Variants in SV2C observed in about 807,000 individuals in gnomAD.
SV2C encodes synaptic vesicle glycoprotein 2C.
SV2C carries 49 observed loss-of-function variants against 79.7 expected under a neutral mutation model. The observed-to-expected ratio is 0.61, with a 90% confidence interval of 0.49 to 0.78. The LOEUF is 0.78. SV2C is among the 30% of genes least tolerant of loss of function. The probability of loss-of-function intolerance (pLI) is 0.00; values close to 1 mark genes in which losing one functional copy is unlikely to be tolerated. For synonymous variants in SV2C, 334 were observed against 333.2 expected, an observed-to-expected ratio of 1.00 and a Z score of -0.03; for missense variants, 833 against 912.9, an observed-to-expected ratio of 0.91 and a Z score of 1.13.
chr5:76,192,909 A>G (rs1228508326), intron 2 of SV2C, among the ~76,000 whole-genome samples: 1 of 152,218 alleles, frequency 6.6e-6, no homozygotes, highest in Non-Finnish European at 1.5e-5. Context: ...GAGGAATTTA[A>G]TACCATTTTG....
rs148131881 is a variant in SV2C, at chr5:76,112,738, C to T, written c.-101-18912C>T. Among the ~76,000 whole-genome samples, 360 of 152,302 alleles carry T rather than the reference C, an allele frequency of 2.4e-3. 4 individuals carry two copies. Among genetic ancestry groups the T allele is most frequent in the East Asian group, 0.015 (76 of 5,186 alleles). ...TTTCCTCAACATATTTGGCCATAAACCTTCTTTTTTAGGAACACTTTAAAA... is the reference window on the plus strand; with the variant it reads ...TTTCCTCAACATATTTGGCCATAAATCTTCTTTTTTAGGAACACTTTAAAA... On this transcript the variant is annotated intron_variant, in intron 1 of 12. Transcript: ENST00000502798.
At chr5:75,899,376 G>C in the SV2C span, among the ~76,000 whole-genome samples, 2 of 152,302 alleles carry the variant, frequency 1.3e-5, no homozygotes, top group African/African-American at 2.4e-5. Context: ...TAGTTGAGTG[G>C]TTTTGAGTGA....
At chr5:75,894,443 A>G in the SV2C span, among the ~76,000 whole-genome samples, 1 of 152,058 alleles carries the variant, frequency 6.6e-6, no homozygotes, top group Admixed American at 6.6e-5. Context: ...GTATTGAAAA[A>G]TAACAGCTCA....
At chr5:75,916,535 C>T in the SV2C span, among the ~76,000 whole-genome samples, 6 of 152,122 alleles carry the variant, frequency 3.9e-5, no homozygotes, top group African/African-American at 1.4e-4. Flanking sequence ...AGTACAGTGG[C>T]ACAATCTTGG....
At chr5:76,231,049 C>G (rs1157767424) in intron 4 of SV2C, among the ~76,000 whole-genome samples, 2 of 152,096 alleles carry the variant, frequency 1.3e-5, no homozygotes, top group Non-Finnish European at 2.9e-5. Flanking sequence ...ATTTCTCTGC[C>G]CAGTGCAGGA....
chr5:76,300,703 A>T, intron 10 of SV2C, 26 bp from the exon 11 acceptor site: 1 of 1,607,892 alleles, frequency 6.2e-7, no homozygotes, highest in South Asian at 1.1e-5. Context: ...GAGCTTGATG[A>T]ATTGTCTTTG....
intron 4 of SV2C, among the ~76,000 whole-genome samples, chr5:76,212,724 C>T (rs556041654): frequency 1.2e-4 from 18 of 152,240 alleles, no homozygotes; most frequent in East Asian, 7.7e-4. Flanking sequence ...CCACCAAGCC[C>T]GGGCATGACT....
At chr5:76,033,287 A>G in the SV2C span, among the ~76,000 whole-genome samples, 1 of 151,858 alleles carries the variant, frequency 6.6e-6, no homozygotes, top group Non-Finnish European at 1.5e-5. Context: ...TTTTGTTGCC[A>G]TTGCTTTTGG....
upstream of SV2C, chr5:76,078,861 C>T: frequency 8.7e-6 from 5 of 576,830 alleles, no homozygotes; most frequent in South Asian, 6.9e-5. Context: ...TGAGAATTTA[C>T]CTACATGGAT....
intron 2 of SV2C, among the ~76,000 whole-genome samples, chr5:76,147,456 A>G (rs1429875388): frequency 6.7e-6 from 1 of 150,240 alleles, no homozygotes; most frequent in Non-Finnish European, 1.5e-5. Context: ...TGTGGTCCCA[A>G]TTCTGTGTCT....
the SV2C span, among the ~76,000 whole-genome samples, chr5:75,858,957 TTTTA>T: frequency 6.6e-6 from 1 of 152,216 alleles, no homozygotes; most frequent in East Asian, 1.9e-4. Flanking sequence ...TCATCCCTGA[TTTTA>T]TTTATTTGGG....
the SV2C span, among the ~76,000 whole-genome samples, chr5:75,907,154 A>T: frequency 6.6e-6 from 1 of 151,732 alleles, no homozygotes; most frequent in African/African-American, 2.4e-5. Context: ...CAAATGACCA[A>T]CCCCTCAAGA....
chr5:76,347,754 A>G (rs912365211), intron 12 of SV2C, among the ~76,000 whole-genome samples: 1 of 152,102 alleles, frequency 6.6e-6, no homozygotes, highest in Non-Finnish European at 1.5e-5. Context: ...TAGCTATGTT[A>G]TTTAATAGAC....
At chr5:76,045,607 C>T in the SV2C span, among the ~76,000 whole-genome samples, 1 of 152,314 alleles carries the variant, frequency 6.6e-6, no homozygotes, top group East Asian at 1.9e-4. Flanking sequence ...TTAAGCCAAA[C>T]ACATAAATTA....
intron 4 of SV2C, among the ~76,000 whole-genome samples, chr5:76,252,479 T>G (rs1481703843): frequency 6.6e-6 from 1 of 152,208 alleles, no homozygotes; most frequent in Non-Finnish European, 1.5e-5. Flanking sequence ...AAGCACTCTT[T>G]CCTTAAACTG....
At chr5:76,073,544 T>TATATATACAC in the SV2C span, among the ~76,000 whole-genome samples, 4 of 121,094 alleles carry the variant, frequency 3.3e-5, no homozygotes, top group Non-Finnish European at 5.1e-5. Context: ...TATATATATA[T>TATATATACAC]ACACCATGGA....
chr5:76,186,169 GGT>G (rs1199989942), intron 2 of SV2C, among the ~76,000 whole-genome samples: 2 of 152,092 alleles, frequency 1.3e-5, no homozygotes, highest in Non-Finnish European at 1.5e-5. Context: ...CCAGCATTTT[GGT>G]CAAAGCCATT....
the SV2C span, among the ~76,000 whole-genome samples, chr5:75,947,740 C>G: frequency 6.6e-6 from 1 of 151,882 alleles, no homozygotes; most frequent in Non-Finnish European, 1.5e-5. Flanking sequence ...CAAATATAAC[C>G]CCTTATTAAT....
chr5:75,982,207 G>A, the SV2C span, among the ~76,000 whole-genome samples: 2 of 118,046 alleles, frequency 1.7e-5, no homozygotes, highest in Non-Finnish European at 3.7e-5. Flanking sequence ...ATGTGCACAT[G>A]TACCCTAAAA....
Sources: gnomAD v4.1 joint callset for allele counts (sites outside exome capture counted in the v4.1 genomes callset) on GRCh38, gnomAD v4.1.1 for gene constraint, MANE v1.5 for transcripts, NCBI Gene and HGNC (gene_info 2026-07-23, HGNC 2026-07-21) for gene names.